GSPT1: variants seen among roughly 807,000 people sequenced by gnomAD.
The protein encoded by GSPT1 is G1 to S phase transition 1, also known as eukaryotic peptide chain release factor GTP-binding subunit ERF3A.
GSPT1 carries 20 observed loss-of-function variants against 72.5 expected under a neutral mutation model. That is an observed-to-expected ratio of 0.28 (90% CI 0.19 to 0.40). GSPT1 has a LOEUF of 0.40. Ranked by LOEUF, GSPT1 falls within the 10% of genes least tolerant of loss-of-function variation. The probability of loss-of-function intolerance (pLI) is 1.00; values close to 1 mark genes in which losing one functional copy is unlikely to be tolerated. For missense variants in GSPT1, 580 were observed against 811.9 expected, an observed-to-expected ratio of 0.71 and a Z score of 3.47; for synonymous variants, 334 against 293.5, an observed-to-expected ratio of 1.14 and a Z score of -1.41.
At chr16:11,885,096 A>AAAAGG in intron 10 of GSPT1, 85 bp downstream of exon 10, 1 of 695,764 alleles carries the variant, frequency 1.4e-6, no homozygotes, top group Admixed American at 2.5e-5. Context: ...AAAAGAAAAG[A>AAAAGG]AAAAAAGTTT....
intron 1 of GSPT1, chr16:11,908,759 C>CAAAAAAAAA (rs764948242): frequency 1.4e-3 from 35 of 25,672 alleles, no homozygotes; most frequent in African/African-American, 7.3e-3. Context: ...GACTCCGTCT[C>CAAAAAAAAA]AAAAAAAAAA....
rs2054631180 is a variant in GSPT1 at position 11,915,904 on chromosome 16, A to G, written c.-184T>C. ...CAGTCCCGACTCCACACTCGCGACG[A>G]CGACAGAGGCGGCGGCGGCGGCAGC... On this transcript the variant is annotated 5_prime_UTR_variant, in exon 1 of 15. Transcript: ENST00000434724. 3 of 873,360 alleles carry G rather than the reference A, an allele frequency of 3.4e-6. No homozygotes were observed. Among genetic ancestry groups the G allele is most frequent in the Admixed American group, 3.4e-5 (2 of 58,140 alleles). 54.1% of individuals were successfully genotyped at this position (873,360 alleles called of 1,614,324 possible).
intron 14 of GSPT1, among the ~76,000 whole-genome samples, chr16:11,873,787 C>G (rs907208870): frequency 2.6e-5 from 4 of 152,144 alleles, no homozygotes; most frequent in Non-Finnish European, 5.9e-5. Context: ...CAGGGTTTCA[C>G]CATGTTGGCC....
intron 6 of GSPT1, among the ~76,000 whole-genome samples, chr16:11,888,285 A>G (rs536356561): frequency 4.7e-4 from 70 of 150,222 alleles, no homozygotes; most frequent in Non-Finnish European, 8.6e-4. Flanking sequence ...GGCTAATATG[A>G]TGAAACCTCA....
intron 14 of GSPT1, among the ~76,000 whole-genome samples, chr16:11,874,454 CTTTTTTTTTTT>C (rs200991035): frequency 5.3e-4 from 51 of 95,894 alleles, no homozygotes; most frequent in African/African-American, 1.4e-3. Context: ...GCCAAGTTAG[CTTTTTTTTTTT>C]TTTTTTTTTT....
chr16:11,916,287 C>T (rs1477821058), upstream of GSPT1, among the ~76,000 whole-genome samples: 1 of 152,206 alleles, frequency 6.6e-6, no homozygotes, highest in Non-Finnish European at 1.5e-5. Context: ...GGGGGGGCAG[C>T]GGCAGGCCCT....
At chr16:11,874,974 G>A (rs1209569463) in intron 14 of GSPT1, among the ~76,000 whole-genome samples, 5 of 152,162 alleles carry the variant, frequency 3.3e-5, no homozygotes, top group Admixed American at 6.5e-5. Flanking sequence ...GGCGGATCAC[G>A]AGGTCAGGAG....
intron 9 of GSPT1, 134 bp from the exon 10 acceptor site, chr16:11,885,408 C>A: frequency 1.7e-6 from 1 of 603,198 alleles, no homozygotes; most frequent in Non-Finnish European, 3.0e-6. Flanking sequence ...ACTTTATTAT[C>A]CATTTCATCT....
chr16:11,889,517 T>C (rs920899084), intron 6 of GSPT1, among the ~76,000 whole-genome samples: 8 of 149,964 alleles, frequency 5.3e-5, no homozygotes, highest in Non-Finnish European at 7.4e-5. Flanking sequence ...TTTGTATATA[T>C]ATTTTTTGAG....
rs570149161 is a variant in GSPT1, at chr16:11,890,181, C to T, written c.776+881G>A. ...TTCACCATGTTAGCCAGGATGGTCTCGATCTCCTGACCTCGTGATCCGCCC... is the reference window on the plus strand; with the variant it reads ...TTCACCATGTTAGCCAGGATGGTCTTGATCTCCTGACCTCGTGATCCGCCC... On this transcript the variant is annotated intron_variant, in intron 6 of 14. Transcript: ENST00000434724. 8.6e-5 allele frequency among the ~76,000 whole-genome samples: 13 copies of T among 151,352 alleles called. No homozygotes were observed. The South Asian group carries it at 2.3e-3, about 27-fold the overall frequency.
chr16:11,916,105 TG>T (rs1211747264), upstream of GSPT1: 12 of 466,786 alleles, frequency 2.6e-5, no homozygotes, highest in African/African-American at 2.5e-4. Context: ...CGGCGGGAGG[TG>T]GAACTACAAG....
chr16:11,915,290 G>A (rs2054617491), intron 1 of GSPT1, 79 bp downstream of exon 1: 4 of 1,256,660 alleles, frequency 3.2e-6, no homozygotes, highest in South Asian at 2.7e-5. Flanking sequence ...CCCCAGGGCC[G>A]CGCGCCCCCG....
chr16:11,900,925 T>C (rs1490584864), intron 1 of GSPT1, among the ~76,000 whole-genome samples: 1 of 151,412 alleles, frequency 6.6e-6, no homozygotes, highest in East Asian at 1.9e-4. Context: ...CCTCTGGGAG[T>C]CCAAGGTGGG....
chr16:11,877,644 A>T lies in GSPT1; in HGVS notation c.1429-64T>A. 1.1e-6 allele frequency: 1 copy of T among 951,948 alleles called. No homozygotes were observed. Among genetic ancestry groups the T allele is most frequent in the Non-Finnish European group, 1.5e-6 (1 of 651,918 alleles). The allele number at this position is 951,948 out of a possible 1,614,324, so 59.0% of individuals were successfully genotyped here. A position where few individuals can be genotyped will look rare whatever the true frequency, so the allele number is the denominator to read the frequency against. On this transcript the variant is annotated intron_variant, in intron 11 of 14. Coordinates refer to ENST00000434724, the MANE Select transcript of GSPT1 (RefSeq NM_002094.4). This position sits in a 1 kb window ranked among gnomAD's most constrained non-coding sequence, Gnocchi z 4.0. Reference sequence around the variant, plus strand: ...TCACTGCATTACGCAACATAAAATGATCTGAATGTCTGTCTGCTCAATAAA... The same window carrying T: ...TCACTGCATTACGCAACATAAAATGTTCTGAATGTCTGTCTGCTCAATAAA...
At position 11,869,928 on chromosome 16, in the gene GSPT1, G is replaced by C. The variant is rs749832469; in HGVS notation, c.*3191C>G. The C allele has an allele frequency of 2.0e-5, 3 of 152,150 alleles. No homozygotes were observed. Among genetic ancestry groups the C allele is most frequent in the African/African-American group, 7.2e-5 (3 of 41,432 alleles). 9.4% of individuals were successfully genotyped at this position (152,150 alleles called of 1,614,324 possible). ...AAGTCTAACCCAAAATATTCGCAGC[G>C]TATCAGCTGAGAGGATGCCGGCAAC... On this transcript the variant is annotated 3_prime_UTR_variant, in exon 15 of 15. Transcript: ENST00000434724.
At chr16:11,893,164 G>A (rs570857484) in intron 5 of GSPT1, among the ~76,000 whole-genome samples, 15 of 152,172 alleles carry the variant, frequency 9.9e-5, no homozygotes, top group African/African-American at 3.6e-4. Flanking sequence ...GGAGGCTGAG[G>A]TAGGAGGATC....
At position 11,915,415 on chromosome 16, in the gene GSPT1, G is replaced by C; in HGVS notation, c.306C>G (p.Gly102=). The C allele has an allele frequency of 4.0e-6, 6 of 1,506,718 alleles. No individual in the cohort carries two copies. The highest frequency in any genetic ancestry group is 3.5e-6 in the Non-Finnish European group (4 of 1,132,076). The allele number at this position is 1,506,718 out of a possible 1,614,324, so 93.3% of individuals were successfully genotyped here. ...TGCCGGCTCCGTGGTTATTGGCGGC[G>C]CCGCCAACTGGGGGTGGCGGCGCTG... ...GPAAPPPPVG[G]AANNHGAGSG... The change falls in exon 1 of 15, where the codon GGC becomes GGG. Residue 102 remains glycine, a synonymous_variant. Transcript: ENST00000434724.
chr16:11,888,880 C>G (rs1297487524), intron 6 of GSPT1, among the ~76,000 whole-genome samples: 1 of 152,306 alleles, frequency 6.6e-6, no homozygotes, highest in Admixed American at 6.5e-5. Context: ...GTTGACTACA[C>G]AGAAAGACTA....
At chr16:11,905,951 A>T (rs892861881) in intron 1 of GSPT1, among the ~76,000 whole-genome samples, 10 of 152,214 alleles carry the variant, frequency 6.6e-5, no homozygotes, top group African/African-American at 2.4e-4. Flanking sequence ...TTTTTTCTCT[A>T]CTTCAGTAGT....
Sources: gnomAD v4.1 joint callset for allele counts (sites outside exome capture counted in the v4.1 genomes callset) on GRCh38, gnomAD v4.1.1 for gene constraint, Gnocchi (gnomAD v3.1) non-coding constraint, MANE v1.5 for transcripts, NCBI Gene and HGNC (gene_info 2026-07-23, HGNC 2026-07-21) for gene names.